Variants in CLEC16A observed in about 807,000 individuals in gnomAD.
CLEC16A encodes the protein protein CLEC16A.
In CLEC16A, 51 loss-of-function variants were observed where a neutral mutation model predicts 109.5. The ratio of observed to expected loss-of-function variants is 0.47; its 90% CI spans 0.37 to 0.59. The LOEUF (loss-of-function observed/expected upper bound fraction) is 0.59, where lower values mean the gene tolerates loss of function less well. CLEC16A is among the 20% of genes least tolerant of loss of function. The probability of loss-of-function intolerance (pLI) is 0.00; values close to 1 mark genes in which losing one functional copy is unlikely to be tolerated. For synonymous variants in CLEC16A, 673 were observed against 564.2 expected, an observed-to-expected ratio of 1.19 and a Z score of -2.73; for missense variants, 1,339 against 1,394.0, an observed-to-expected ratio of 0.96 and a Z score of 0.63.
At chr16:11,060,296 G>A (rs1013929412) in intron 18 of CLEC16A, among the ~76,000 whole-genome samples, 4 of 151,864 alleles carry the variant, frequency 2.6e-5, no homozygotes, top group East Asian at 1.9e-4. Flanking sequence ...ACCCCCTGTC[G>A]TAAGACCAAG....
chr16:10,984,969 A>C (rs1012801238), intron 10 of CLEC16A, among the ~76,000 whole-genome samples: 2 of 152,122 alleles, frequency 1.3e-5, no homozygotes, highest in Non-Finnish European at 2.9e-5. Flanking sequence ...TGGGAGGCCG[A>C]GGCGGGCAGA....
intron 19 of CLEC16A, among the ~76,000 whole-genome samples, chr16:11,089,283 G>A (rs2050177570): frequency 6.6e-6 from 1 of 152,182 alleles, no homozygotes; most frequent in Non-Finnish European, 1.5e-5. Flanking sequence ...TTAAAGTGGG[G>A]TTTTCCTGCG....
At position 11,171,908 on chromosome 16, in the gene CLEC16A, TCACA is replaced by T. The variant is rs112345238; in HGVS notation, c.2806+5362_2806+5365del. On this transcript the variant is annotated intron_variant, in intron 23 of 23. Coordinates refer to ENST00000409790, the MANE Select transcript of CLEC16A (RefSeq NM_015226.3). ...CACACATACAAATGTGCATACATAGTCACACACACCAGTACACATACACACTCAC... is the reference window on the plus strand; with the variant it reads ...CACACATACAAATGTGCATACATAGTCACACCAGTACACATACACACTCAC... Among the ~76,000 whole-genome samples, 1,086 of 142,646 alleles carry T rather than the reference TCACA, an allele frequency of 7.6e-3. 13 individuals carry two copies. The highest frequency in any genetic ancestry group is 0.027 in the African/African-American group (1,011 of 38,012). The allele number at this position is 142,646 out of a possible 152,430, so 93.6% of individuals were successfully genotyped here. A position where few individuals can be genotyped will look rare whatever the true frequency, so the allele number is the denominator to read the frequency against.
intron 11 of CLEC16A, among the ~76,000 whole-genome samples, chr16:11,019,726 G>A (rs1228963428): frequency 3.4e-5 from 5 of 148,030 alleles, no homozygotes; most frequent in African/African-American, 5.0e-5. Flanking sequence ...CTGAGATTGC[G>A]CCACTGCCCT....
In CLEC16A at chr16:11,174,581, C is replaced by A. The variant is rs2068668844; in HGVS notation, c.2807-3754C>A. On this transcript the variant is annotated intron_variant, in intron 23 of 23. Transcript: ENST00000409790. This position sits in a 1 kb window ranked among gnomAD's most constrained non-coding sequence, Gnocchi z 4.7. ...GCTGTCCTTCTCTGTGACATGTGCA[C>A]CAGTGTCAGGCTCGGCCCGGGCCAG... 6.6e-6 allele frequency among the ~76,000 whole-genome samples: 1 copy of A among 152,258 alleles called. No individual in the cohort carries two copies. The highest frequency in any genetic ancestry group is 1.5e-5 in the Non-Finnish European group (1 of 68,050).
chr16:11,006,118 C>T (rs2044991264), intron 11 of CLEC16A, among the ~76,000 whole-genome samples: 1 of 152,158 alleles, frequency 6.6e-6, no homozygotes, highest in Non-Finnish European at 1.5e-5. Context: ...ATCGTCCCAG[C>T]TTGGCCAGCA....
In CLEC16A at chr16:11,013,007, A is replaced by G. The variant is rs572345353; in HGVS notation, c.1304-7186A>G. Among the ~76,000 whole-genome samples, 31 of 152,174 alleles carry G rather than the reference A, an allele frequency of 2.0e-4. No homozygotes were observed. In the South Asian group the frequency reaches 6.0e-3, roughly 30 times the overall value. ...CAGGGCACCATCCTGTCACAGGACAAACTCACACGCCCCCACACTCACTCA... is the reference window on the plus strand; with the variant it reads ...CAGGGCACCATCCTGTCACAGGACAGACTCACACGCCCCCACACTCACTCA... On this transcript the variant is annotated intron_variant, in intron 11 of 23. Coordinates refer to ENST00000409790, the MANE Select transcript of CLEC16A (RefSeq NM_015226.3).
intron 11 of CLEC16A, among the ~76,000 whole-genome samples, chr16:11,018,159 T>A (rs145775562): frequency 1.3e-5 from 2 of 151,502 alleles, no homozygotes; most frequent in Non-Finnish European, 2.9e-5. Context: ...ACTAAAAAAT[T>A]AGCCGGGTGT....
chr16:11,110,293 G>C (rs947244560), intron 19 of CLEC16A, among the ~76,000 whole-genome samples: 3 of 152,164 alleles, frequency 2.0e-5, no homozygotes, highest in African/African-American at 7.2e-5. Context: ...CTTGTTTTGG[G>C]AGCTTACAGT....
At chr16:10,973,190 C>G (rs1035949450) in intron 7 of CLEC16A, 129 bp downstream of exon 7, 7 of 1,057,374 alleles carry the variant, frequency 6.6e-6, no homozygotes, top group Non-Finnish European at 9.2e-6. Context: ...CATGGACTTC[C>G]GTACTGTAAA....
chr16:11,033,962 G>T (rs1482126320), intron 13 of CLEC16A, among the ~76,000 whole-genome samples: 2 of 152,174 alleles, frequency 1.3e-5, no homozygotes, highest in African/African-American at 4.8e-5. Context: ...TACAGCTTTT[G>T]TATCTTGAAG....
intron 13 of CLEC16A, chr16:11,027,498 A>G (rs2046478855): frequency 3.8e-6 from 6 of 1,585,524 alleles, no homozygotes; most frequent in South Asian, 1.1e-5. Context: ...TGGACAAGCC[A>G]AGGTCAAGAG....
chr16:11,015,526 G>A (rs1202660192), intron 11 of CLEC16A, among the ~76,000 whole-genome samples: 3 of 152,164 alleles, frequency 2.0e-5, no homozygotes, highest in African/African-American at 4.8e-5. Context: ...GGGAGCCCAC[G>A]GCAGTCAGAG....
chr16:11,046,518 G>A (rs1269035285), intron 16 of CLEC16A, among the ~76,000 whole-genome samples: 2 of 152,074 alleles, frequency 1.3e-5, no homozygotes, highest in African/African-American at 4.8e-5. Flanking sequence ...GAGAGATGCA[G>A]CAGTTCTAAG....
chr16:11,106,304 T>G (rs536394414), intron 19 of CLEC16A, among the ~76,000 whole-genome samples: 1 of 152,254 alleles, frequency 6.6e-6, no homozygotes, highest in South Asian at 2.1e-4. Flanking sequence ...AACTTTTTTG[T>G]GGGGGAGAGT....
At chr16:11,049,253 G>A (rs1184656983) in intron 17 of CLEC16A, among the ~76,000 whole-genome samples, 3 of 151,974 alleles carry the variant, frequency 2.0e-5, no homozygotes, top group East Asian at 3.9e-4. Context: ...TGATCCGCCC[G>A]CCTTGGCCTC....
At chr16:11,097,577 C>G (rs2050677837) in intron 19 of CLEC16A, among the ~76,000 whole-genome samples, 2 of 152,122 alleles carry the variant, frequency 1.3e-5, no homozygotes, top group South Asian at 2.1e-4. Flanking sequence ...CAGGGCTGTT[C>G]TAATTAACTC....
At chr16:11,120,922 C>G (rs1186795418) in intron 20 of CLEC16A, among the ~76,000 whole-genome samples, 156 bp downstream of exon 20, 1 of 151,924 alleles carries the variant, frequency 6.6e-6, no homozygotes, top group East Asian at 1.9e-4. Context: ...CAAAAAAAAG[C>G]TAAAATACCA....
intron 8 of CLEC16A, among the ~76,000 whole-genome samples, chr16:10,979,108 G>A (rs958771432): frequency 3.3e-5 from 5 of 152,170 alleles, no homozygotes; most frequent in Admixed American, 6.5e-5. Flanking sequence ...ATGGTGAAAG[G>A]TTTCTCAGAT....
Sources: gnomAD v4.1 joint callset for allele counts (sites outside exome capture counted in the v4.1 genomes callset) on GRCh38, gnomAD v4.1.1 for gene constraint, Gnocchi (gnomAD v3.1) non-coding constraint, MANE v1.5 for transcripts, NCBI Gene and HGNC (gene_info 2026-07-23, HGNC 2026-07-21) for gene names.